UTRN: variants seen among roughly 807,000 people sequenced by gnomAD.
UTRN encodes the protein utrophin.
In UTRN, 283 loss-of-function variants were observed where a neutral mutation model predicts 463.9. That is an observed-to-expected ratio of 0.61 (90% CI 0.55 to 0.67). The LOEUF (loss-of-function observed/expected upper bound fraction) is 0.67. Among genes scored for constraint, UTRN ranks in the 30% least tolerant of loss-of-function variants. UTRN has a pLI of 0.00. For synonymous variants in UTRN, 1,442 were observed against 1,431.5 expected, an observed-to-expected ratio of 1.01 and a Z score of -0.17; for missense variants, 3,922 against 4,084.3, an observed-to-expected ratio of 0.96 and a Z score of 1.08.
chr6:144,839,975 C>T (rs543333023), intron 72 of UTRN, among the ~76,000 whole-genome samples: 73 of 152,082 alleles, frequency 4.8e-4, no homozygotes, highest in African/African-American at 1.5e-3. Flanking sequence ...CAGTGGCTCC[C>T]GCCTGTAATC....
intron 54 of UTRN, among the ~76,000 whole-genome samples, chr6:144,734,059 A>C (rs531931199): frequency 6.6e-6 from 1 of 152,154 alleles, no homozygotes; most frequent in Non-Finnish European, 1.5e-5. Context: ...CTGACTTCAT[A>C]TACAACCTAT....
intron 51 of UTRN, among the ~76,000 whole-genome samples, chr6:144,602,269 C>T (rs1408414086): frequency 2.0e-5 from 3 of 151,748 alleles, no homozygotes; most frequent in Non-Finnish European, 4.4e-5. Flanking sequence ...CTAACTGGGA[C>T]TTCAGGCACG....
rs183623994 is a variant in UTRN at position 144,410,859 on chromosome 6, G to A, written c.141+7675G>A. 2.6e-3 allele frequency among the ~76,000 whole-genome samples: 397 copies of A among 151,786 alleles called. 7 individuals are homozygous for A. Among genetic ancestry groups the A allele is most frequent in the Non-Finnish European group, 1.9e-3 (131 of 67,970 alleles). The stretch of plus-strand genomic sequence containing the variant: ...CAATTTCTTTATTCACTCATTGATC[G>A]ATGGGCATTTGGGCTGGTTCCATAT... On this transcript the variant is annotated intron_variant, in intron 3 of 74. Transcript: ENST00000367545.
chr6:144,636,640 T>C (rs1456885102), intron 51 of UTRN, among the ~76,000 whole-genome samples: 1 of 152,260 alleles, frequency 6.6e-6, no homozygotes, highest in Admixed American at 6.5e-5. Context: ...AAGTATTCTT[T>C]TCCTCATATT....
At chr6:144,611,562 T>G (rs536632601) in intron 51 of UTRN, among the ~76,000 whole-genome samples, 16 of 152,278 alleles carry the variant, frequency 1.1e-4, no homozygotes, top group Admixed American at 3.3e-4. Context: ...CATATACCTA[T>G]GACAAATTAT....
At chr6:144,825,331 C>A (rs1206255244) in intron 66 of UTRN, among the ~76,000 whole-genome samples, 1 of 152,156 alleles carries the variant, frequency 6.6e-6, no homozygotes. Context: ...GTTCTTATTT[C>A]CAAGGCTTTG....
chr6:144,723,138 T>C (rs1184782503), intron 53 of UTRN, among the ~76,000 whole-genome samples: 1 of 152,220 alleles, frequency 6.6e-6, no homozygotes, highest in African/African-American at 2.4e-5. Flanking sequence ...GACAGTCAGA[T>C]CAGTTCCTTA....
intron 52 of UTRN, among the ~76,000 whole-genome samples, chr6:144,698,557 T>G (rs888892711): frequency 6.6e-6 from 1 of 152,232 alleles, no homozygotes. Context: ...AGTTAAGGCA[T>G]AAGCCCGCAT....
chr6:144,598,404 G>A (rs1279925232), intron 51 of UTRN, among the ~76,000 whole-genome samples: 2 of 152,176 alleles, frequency 1.3e-5, no homozygotes, highest in African/African-American at 4.8e-5. Context: ...AAGATAAGGG[G>A]TTGCAGAGAC....
chr6:144,307,817 GT>G (rs57723474), intron 2 of UTRN, among the ~76,000 whole-genome samples: 9,348 of 143,238 alleles, frequency 0.065, 897 homozygotes, highest in African/African-American at 0.22. Flanking sequence ...GTCTGCCTCA[GT>G]TTTTTTTTTT....
chr6:144,444,444 T>C (rs1787470644), intron 14 of UTRN, 62 bp downstream of exon 14: 1 of 1,312,468 alleles, frequency 7.6e-7, no homozygotes, highest in Non-Finnish European at 1.0e-6. Flanking sequence ...TCTTTTATTG[T>C]GACTTTAGAA....
chr6:144,289,277 G>A (rs981551641), intron 1 of UTRN, among the ~76,000 whole-genome samples: 3 of 151,990 alleles, frequency 2.0e-5, no homozygotes, highest in African/African-American at 7.3e-5. Flanking sequence ...TGCACATTTT[G>A]CACATTGGAT....
intron 58 of UTRN, among the ~76,000 whole-genome samples, chr6:144,762,248 GAACTCCTGA>G (rs2128728214): frequency 6.6e-6 from 1 of 152,278 alleles, no homozygotes; most frequent in South Asian, 2.1e-4. Flanking sequence ...TACAGCTCCT[GAACTCCTGA>G]TCACTATGCG....
intron 42 of UTRN, 102 bp downstream of exon 42, chr6:144,531,304 A>C: frequency 8.5e-7 from 1 of 1,178,826 alleles, no homozygotes; most frequent in East Asian, 2.8e-5. Context: ...ATTTTTCAGA[A>C]GTCAATGGAC....
chr6:144,516,302 C>T lies in UTRN; in HGVS notation c.5318C>T (p.Ser1773Phe). 3 of 1,613,846 alleles carry T rather than the reference C, an allele frequency of 1.9e-6. No homozygotes were observed. Among genetic ancestry groups the T allele is most frequent in the Non-Finnish European group, 2.5e-6 (3 of 1,179,930 alleles). The change falls in exon 38 of 75, where the codon TCT (serine) becomes TTT (phenylalanine). Residue 1773 changes from serine to phenylalanine, a missense_variant. Physicochemically the swap from Ser to Phe is radical, Grantham distance 155. Coordinates refer to ENST00000367545, the MANE Select transcript of UTRN (RefSeq NM_007124.3). ...ACATTTGAAACTGGTGTGCCTTTCTCTGACTTGGAAAAATTAGAAAATGAC... is the reference window on the plus strand; with the variant it reads ...ACATTTGAAACTGGTGTGCCTTTCTTTGACTTGGAAAAATTAGAAAATGAC... ...TETFETGVPF[S>F]DLEKLENDIE...
intron 69 of UTRN, among the ~76,000 whole-genome samples, chr6:144,831,908 T>G (rs551273594): frequency 1.3e-5 from 2 of 152,260 alleles, no homozygotes; most frequent in African/African-American, 4.8e-5. Context: ...AGAAAGAAAA[T>G]CATTATTTTT....
Position 144,851,191 on chromosome 6 carries a change from C to A in UTRN, c.*194C>A. 1 of 663,538 alleles carries A rather than the reference C, an allele frequency of 1.5e-6. No individual in the cohort carries two copies. Among genetic ancestry groups the A allele is most frequent in the East Asian group, 2.7e-5 (1 of 36,410 alleles). 41.1% of individuals were successfully genotyped at this position (663,538 alleles called of 1,614,324 possible). A position where few individuals can be genotyped will look rare whatever the true frequency, so the allele number is the denominator to read the frequency against. Reference sequence around the variant, plus strand: ...AATGGATATTTTGTTTTTATAATAACCATATATTATTGTTTTCTTCTTCCC... The same window carrying A: ...AATGGATATTTTGTTTTTATAATAAACATATATTATTGTTTTCTTCTTCCC... On this transcript the variant is annotated 3_prime_UTR_variant, in exon 75 of 75. Transcript: ENST00000367545.
In UTRN at chr6:144,730,342, C is replaced by T. The variant is rs747847738; in HGVS notation, c.7810-15C>T. On this transcript the variant is annotated splice_polypyrimidine_tract_variant and intron_variant, in intron 53 of 74. Coordinates refer to ENST00000367545, the MANE Select transcript of UTRN (RefSeq NM_007124.3). Reference sequence around the variant, plus strand: ...CGTGAGGTTACAAACTCAACTTTTGCTTCTCTTTTGAAAGGCCCTGAGACG... The same window carrying T: ...CGTGAGGTTACAAACTCAACTTTTGTTTCTCTTTTGAAAGGCCCTGAGACG... 4 of 1,562,048 alleles carry T rather than the reference C, an allele frequency of 2.6e-6. No individual in the cohort carries two copies. The highest frequency in any genetic ancestry group is 1.8e-5 in the Admixed American group (1 of 54,702).
chr6:144,738,334 C>T (rs139337437), intron 54 of UTRN, among the ~76,000 whole-genome samples: 1,709 of 152,312 alleles, frequency 0.011, 22 homozygotes, highest in Non-Finnish European at 0.014. Flanking sequence ...CACTGCTGCA[C>T]AGTGAAGCTG....
Sources: gnomAD v4.1 joint callset for allele counts (sites outside exome capture counted in the v4.1 genomes callset) on GRCh38, gnomAD v4.1.1 for gene constraint, MANE v1.5 for transcripts, NCBI Gene and HGNC (gene_info 2026-07-23, HGNC 2026-07-21) for gene names.